C1orf21: variants seen among roughly 807,000 people sequenced by gnomAD.
The protein encoded by C1orf21 is chromosome 1 open reading frame 21.
C1orf21 carries 3 observed loss-of-function variants against 18.7 expected under a neutral mutation model. That is an observed-to-expected ratio of 0.16 (90% CI 0.07 to 0.42). The LOEUF is 0.42. Ranked by LOEUF, C1orf21 falls within the 10% of genes least tolerant of loss-of-function variation. The probability of loss-of-function intolerance (pLI) is 0.99; values close to 1 mark genes in which losing one functional copy is unlikely to be tolerated. For synonymous variants in C1orf21, 41 were observed against 46.4 expected (o/e 0.88, Z 0.47); for missense variants, 104 against 143.6 (o/e 0.72, Z 1.41).
At chr1:184,541,833 C>T (rs1031256339) in intron 3 of C1orf21, among the ~76,000 whole-genome samples, 5 of 152,132 alleles carry the variant, frequency 3.3e-5, no homozygotes, top group African/African-American at 7.2e-5. Flanking sequence ...CACGGACTGG[C>T]GTGCAGAGTT....
intron 3 of C1orf21, among the ~76,000 whole-genome samples, chr1:184,551,634 C>T (rs1180481924): frequency 2.0e-5 from 3 of 152,188 alleles, no homozygotes; most frequent in Non-Finnish European, 4.4e-5. Context: ...TTAGCTGCCC[C>T]TCCCCGTGCC....
intron 4 of C1orf21, among the ~76,000 whole-genome samples, chr1:184,597,411 C>G (rs1266920534): frequency 6.6e-6 from 1 of 152,106 alleles, no homozygotes; most frequent in Admixed American, 6.5e-5. Flanking sequence ...CACTTGTGCC[C>G]CTCCTTGTGG....
intron 1 of C1orf21, among the ~76,000 whole-genome samples, chr1:184,422,395 C>T (rs1656559583): frequency 6.6e-6 from 1 of 152,170 alleles, no homozygotes; most frequent in Admixed American, 6.5e-5. Context: ...GCATTCTTAG[C>T]ACCTTGCATA....
chr1:184,451,560 C>T (rs1331638539), intron 1 of C1orf21, among the ~76,000 whole-genome samples: 1 of 149,756 alleles, frequency 6.7e-6, no homozygotes, highest in East Asian at 2.0e-4. Context: ...CCATCTCGGA[C>T]TCTCAGAATG....
At chr1:184,542,885 T>C (rs1658675603) in intron 3 of C1orf21, among the ~76,000 whole-genome samples, 1 of 152,196 alleles carries the variant, frequency 6.6e-6, no homozygotes, top group Non-Finnish European at 1.5e-5. Flanking sequence ...ATAGCCACAT[T>C]ATCCTAAGGG....
intron 5 of C1orf21, among the ~76,000 whole-genome samples, chr1:184,600,432 G>A (rs1000254838): frequency 1.2e-4 from 19 of 152,310 alleles, no homozygotes; most frequent in Admixed American, 3.3e-4. Flanking sequence ...CTCCCAAAGT[G>A]CTGGGATTAT....
In C1orf21 at chr1:184,619,640, ATTCAGC is replaced by A; in HGVS notation, c.*85_*90del. The A allele has an allele frequency of 7.5e-7, 1 of 1,331,156 alleles. No homozygotes were observed. The highest frequency in any genetic ancestry group is 1.1e-6 in the Non-Finnish European group (1 of 942,298). The allele number at this position is 1,331,156 out of a possible 1,614,324, so 82.5% of individuals were successfully genotyped here. ...TGAAATCTTTGCAAAGGTCGGTTCT[ATTCAGC>A]GAACAGCACTATAGCAAAAGAAGAT... On this transcript the variant is annotated 3_prime_UTR_variant, in exon 6 of 6. Transcript: ENST00000235307.
At chr1:184,575,723 G>A (rs1659177106) in intron 3 of C1orf21, among the ~76,000 whole-genome samples, 1 of 151,202 alleles carries the variant, frequency 6.6e-6, no homozygotes, top group Non-Finnish European at 1.5e-5. Context: ...AATACAAAGA[G>A]TTCATACCAG....
At chr1:184,562,707 A>T (rs1453114148) in intron 3 of C1orf21, among the ~76,000 whole-genome samples, 1 of 152,216 alleles carries the variant, frequency 6.6e-6, no homozygotes, top group African/African-American at 2.4e-5. Flanking sequence ...AGTGCTGCAA[A>T]CTTGTAACTG....
intron 2 of C1orf21, among the ~76,000 whole-genome samples, chr1:184,503,682 T>C (rs1658010230): frequency 6.6e-6 from 1 of 152,164 alleles, no homozygotes; most frequent in Admixed American, 6.6e-5. Context: ...AACAAACTTG[T>C]GTTCAACCCA....
chr1:184,398,491 T>G (rs2101955820), intron 1 of C1orf21, among the ~76,000 whole-genome samples: 1 of 152,356 alleles, frequency 6.6e-6, no homozygotes, highest in South Asian at 2.1e-4. Flanking sequence ...ACTGGTTCTT[T>G]ATGAAGCAAA....
rs142806013 is a variant in C1orf21, at chr1:184,628,326, A to G, written c.*8770A>G. 4 of 152,386 alleles carry G rather than the reference A, an allele frequency of 2.6e-5. No individual in the cohort carries two copies. The highest frequency in any genetic ancestry group is 6.5e-5 in the Admixed American group (1 of 15,308). 9.4% of individuals were successfully genotyped at this position (152,386 alleles called of 1,614,324 possible). A position where few individuals can be genotyped will look rare whatever the true frequency, so the allele number is the denominator to read the frequency against. Reference sequence around the variant, plus strand: ...TTTGTACTACTATATTAGGCACATTATAAAAAGTATACAGCATAGAAACTT... The same window carrying G: ...TTTGTACTACTATATTAGGCACATTGTAAAAAGTATACAGCATAGAAACTT... On this transcript the variant is annotated 3_prime_UTR_variant, in exon 6 of 6. Transcript: ENST00000235307.
chr1:184,577,699 G>GA (rs1376969368), intron 3 of C1orf21, among the ~76,000 whole-genome samples: 7 of 151,686 alleles, frequency 4.6e-5, no homozygotes, highest in East Asian at 1.9e-4. Context: ...AGTTTAGTGG[G>GA]AAAAAAAACT....
At chr1:184,481,857 CA>C (rs1657662852) in intron 2 of C1orf21, among the ~76,000 whole-genome samples, 1 of 152,118 alleles carries the variant, frequency 6.6e-6, no homozygotes, top group African/African-American at 2.4e-5. Context: ...TACCAGAATC[CA>C]ATGTCAAGAC....
At chr1:184,566,699 A>T in intron 3 of C1orf21, 2 of 382,454 alleles carry the variant, frequency 5.2e-6, no homozygotes, top group Non-Finnish European at 1.1e-5. Context: ...GTCAAAAAGG[A>T]CAAAAAAGTC....
intron 1 of C1orf21, among the ~76,000 whole-genome samples, chr1:184,444,597 A>G (rs1434828203): frequency 6.6e-6 from 1 of 152,112 alleles, no homozygotes; most frequent in Non-Finnish European, 1.5e-5. Flanking sequence ...AAAATGGACT[A>G]ATACAACTGG....
chr1:184,598,164 T>G (rs1659542909), intron 4 of C1orf21, among the ~76,000 whole-genome samples: 1 of 152,150 alleles, frequency 6.6e-6, no homozygotes, highest in African/African-American at 2.4e-5. Flanking sequence ...AAATAGCATC[T>G]GTACATTGAA....
intron 1 of C1orf21, among the ~76,000 whole-genome samples, chr1:184,465,165 T>G (rs562598124): frequency 1.3e-5 from 2 of 152,346 alleles, no homozygotes; most frequent in East Asian, 3.9e-4. Flanking sequence ...AGGCATTAGT[T>G]AATCATGGAG....
intron 5 of C1orf21, among the ~76,000 whole-genome samples, chr1:184,610,784 C>A (rs1571301068): frequency 6.7e-6 from 1 of 148,410 alleles, no homozygotes. Flanking sequence ...GGAGGCGGAG[C>A]TTGTAGTGAG....
Sources: allele counts gnomAD v4.1 joint callset (sites outside exome capture counted in the v4.1 genomes callset), GRCh38; gene constraint gnomAD v4.1.1; transcripts MANE v1.5; gene names NCBI Gene and HGNC (gene_info 2026-07-23, HGNC 2026-07-21).